ZIC4: variants seen among roughly 807,000 people sequenced by gnomAD.
ZIC4 encodes Zic family zinc finger 4, also known as zinc finger protein ZIC 4.
In ZIC4, 15 loss-of-function variants were observed where a neutral mutation model predicts 28.8. The ratio of observed to expected loss-of-function variants is 0.52; its 90% CI spans 0.35 to 0.80. The LOEUF (loss-of-function observed/expected upper bound fraction) is 0.80. Ranked by LOEUF, ZIC4 falls within the 30% of genes least tolerant of loss-of-function variation. The probability of loss-of-function intolerance (pLI) is 0.01; values close to 1 mark genes in which losing one functional copy is unlikely to be tolerated. For missense variants in ZIC4, 512 were observed against 467.1 expected (o/e 1.10, Z -0.89); for synonymous variants, 220 against 198.1 (o/e 1.11, Z -0.93).
intron 4 of ZIC4, among the ~76,000 whole-genome samples, chr3:147,390,314 A>G (rs1467516843): frequency 6.6e-6 from 1 of 151,740 alleles, no homozygotes; most frequent in African/African-American, 2.4e-5. Context: ...CAAAGAGGAA[A>G]GAAACTGGAG....
intron 3 of ZIC4, chr3:147,393,042 A>C (rs1464446614): frequency 6.6e-6 from 1 of 152,084 alleles, no homozygotes; most frequent in African/African-American, 2.4e-5. Flanking sequence ...AAATTACAAA[A>C]AACATACAAT....
At position 147,396,761 on chromosome 3, in the gene ZIC4, C is replaced by A; in HGVS notation, c.71-292G>T. On this transcript the variant is annotated intron_variant, in intron 2 of 4. Transcript: ENST00000383075. This position sits in a 1 kb window ranked among gnomAD's most constrained non-coding sequence, Gnocchi z 4.2. ...GGTAATGGAAGGCGCAGGGCTGAGT[C>A]TGTGGGTTGCTGGGGGTTCTGCTCC... 3.0e-6 allele frequency: 1 copy of A among 334,848 alleles called. No homozygotes were observed. The highest frequency in any genetic ancestry group is 4.7e-5 in the East Asian group (1 of 21,140). The allele number at this position is 334,848 out of a possible 1,614,324, so 20.7% of individuals were successfully genotyped here.
chr3:147,389,110 C>T, intron 4 of ZIC4: 1 of 567,452 alleles, frequency 1.8e-6, no homozygotes, highest in Non-Finnish European at 3.1e-6. Context: ...TGCCGACTGC[C>T]CGCGCTGGGT....
intron 3 of ZIC4, chr3:147,392,312 C>A (rs2086943121): frequency 6.1e-6 from 6 of 985,702 alleles, no homozygotes; most frequent in Non-Finnish European, 7.2e-6. Context: ...TGGCATAGGC[C>A]GGGGAGGGGC....
rs756882659 is a variant in ZIC4 at position 147,395,921 on chromosome 3, G to T, written c.619C>A (p.Pro207Thr). 6.2e-7 allele frequency: 1 copy of T among 1,614,126 alleles called. No homozygotes were observed. The highest frequency in any genetic ancestry group is 1.1e-5 in the South Asian group (1 of 91,090). ...VHTGEKPFPC[P>T]FPGCGKVFAR... ...AAGACCTTCCCACACCCCGGGAAAG[G>T]ACAAGGGAAGGGCTTCTCGCCCGTG... Residue 207 changes from proline (P) to threonine (T), a missense_variant, in exon 3 of 5, where the codon CCT becomes ACT. Pro to Thr is a conservative substitution (Grantham distance 38). Transcript: ENST00000383075.
chr3:147,402,660 A>G, intron 2 of ZIC4, 68 bp downstream of exon 2: 2 of 1,434,028 alleles, frequency 1.4e-6, no homozygotes, highest in Non-Finnish European at 9.5e-7. Context: ...TCCTACTTAA[A>G]AAAAAAAAAG....
intron 2 of ZIC4, among the ~76,000 whole-genome samples, chr3:147,397,971 T>A (rs947667177): frequency 6.6e-6 from 1 of 151,702 alleles, no homozygotes; most frequent in African/African-American, 2.4e-5. Context: ...GTTGGAGAGC[T>A]CAAAGACGCG....
In ZIC4 at chr3:147,396,104, T is replaced by C. The variant is rs764454109; in HGVS notation, c.436A>G (p.Lys146Glu). The change falls in exon 3 of 5, where the codon AAA becomes GAA. Residue 146 changes from lysine (K) to glutamate (E), a missense_variant. This residue lies in a region of ZIC4 where 310 missense variants were observed against 256.5 expected (regional missense o/e 1.21). Transcript: ENST00000383075. This position sits in a 1 kb window ranked among gnomAD's most constrained non-coding sequence, Gnocchi z 4.2. ...AGCTCGTGCATGGTGCTGAAAGTTT[T>C]GGAGCAGAGGCTCGGGGTCGCGGTG... Reference protein sequence around the residue: ...DGTATPSLCSKTFSTMHELVT... With the variant: ...DGTATPSLCSETFSTMHELVT... 1.2e-6 allele frequency: 2 copies of C among 1,614,230 alleles called. No homozygotes were observed. The highest frequency in any genetic ancestry group is 1.7e-6 in the Non-Finnish European group (2 of 1,180,054).
Position 147,387,004 on chromosome 3 carries a change from G to A in ZIC4, c.*1855C>T, listed in dbSNP as rs71302461. 3.3e-5 allele frequency: 5 copies of A among 152,302 alleles called. No individual in the cohort carries two copies. In the South Asian group the frequency reaches 8.3e-4, roughly 25 times the overall value. The allele number at this position is 152,302 out of a possible 1,614,324, so 9.4% of individuals were successfully genotyped here. On this transcript the variant is annotated 3_prime_UTR_variant, in exon 5 of 5. Coordinates refer to ENST00000383075, the MANE Select transcript of ZIC4 (RefSeq NM_032153.6). ...CTGGGCAAGAATATTAGGAGCCTGA[G>A]GGGTACCCAAAGGAAACCCATCTAT...
In ZIC4 at chr3:147,396,837, G is replaced by A. The variant is rs1219263452; in HGVS notation, c.71-368C>T. ...CGCACTTTGGCGGCTAACACCCCGG[G>A]GCTCTCCGGGGCACGATGCCCTGCG... On this transcript the variant is annotated intron_variant, in intron 2 of 4. Coordinates refer to ENST00000383075, the MANE Select transcript of ZIC4 (RefSeq NM_032153.6). This position sits in a 1 kb window ranked among gnomAD's most constrained non-coding sequence, Gnocchi z 4.2. 1.0e-5 allele frequency: 2 copies of A among 197,432 alleles called. No individual in the cohort carries two copies. The highest frequency in any genetic ancestry group is 1.0e-5 in the Non-Finnish European group (1 of 97,926). The allele number at this position is 197,432 out of a possible 1,614,324, so 12.2% of individuals were successfully genotyped here.
chr3:147,404,008 A>T, intron 1 of ZIC4: 1 of 1,537,144 alleles, frequency 6.5e-7, no homozygotes, highest in Non-Finnish European at 8.7e-7. Flanking sequence ...TCTAACCAAA[A>T]GGCATTCTTC....
rs893253662 is a variant in ZIC4 at position 147,391,292 on chromosome 3, C to T, written c.689-46G>A. On this transcript the variant is annotated intron_variant, in intron 3 of 4. Transcript: ENST00000383075. ...ACATTAGTGCTTGTGGGTCGTGTTC[C>T]CGTCAGGTGCTTGCCACCCTCCCCC... 6 of 1,510,212 alleles carry T rather than the reference C, an allele frequency of 4.0e-6. No homozygotes were observed. In the African/African-American group the frequency reaches 5.6e-5, roughly 14 times the overall value. 93.6% of individuals were successfully genotyped at this position (1,510,212 alleles called of 1,614,324 possible).
chr3:147,391,130 G>A lies in ZIC4; in HGVS notation c.805C>T (p.Arg269Trp). ...TGCGTGTAGCACTTGTCGCAGCCCCGCACCTTGCACGTGTATGGCTTGTCG... is the reference window on the plus strand; with the variant it reads ...TGCGTGTAGCACTTGTCGCAGCCCCACACCTTGCACGTGTATGGCTTGTCG... Reference protein sequence around the residue: ...TSDKPYTCKVRGCDKCYTHPS... With the variant: ...TSDKPYTCKVWGCDKCYTHPS... Residue 269 changes from arginine (R) to tryptophan (W), a missense_variant, in exon 4 of 5, where the codon CGG becomes TGG. This residue lies in a region of ZIC4 where 144 missense variants were observed against 116.8 expected (regional missense o/e 1.23). Coordinates refer to ENST00000383075, the MANE Select transcript of ZIC4 (RefSeq NM_032153.6). 7 of 1,614,028 alleles carry A rather than the reference G, an allele frequency of 4.3e-6. No homozygotes were observed. Among genetic ancestry groups the A allele is most frequent in the Non-Finnish European group, 5.1e-6 (6 of 1,179,914 alleles).
chr3:147,405,055 A>G (rs1204094393), intron 1 of ZIC4, among the ~76,000 whole-genome samples: 1 of 152,166 alleles, frequency 6.6e-6, no homozygotes, highest in African/African-American at 2.4e-5. Context: ...TGCACCCTGC[A>G]CCTTTCTGGC....
At position 147,405,331 on chromosome 3, in the gene ZIC4, C is replaced by T. The variant is rs773446981; in HGVS notation, c.-16+1032G>A. 1.1e-5 allele frequency: 17 copies of T among 1,500,374 alleles called. No individual in the cohort carries two copies. The East Asian group carries it at 1.7e-4, about 15-fold the overall frequency. 92.9% of individuals were successfully genotyped at this position (1,500,374 alleles called of 1,614,324 possible). A position where few individuals can be genotyped will look rare whatever the true frequency, so the allele number is the denominator to read the frequency against. On this transcript the variant is annotated intron_variant, in intron 1 of 4. Coordinates refer to ENST00000383075, the MANE Select transcript of ZIC4 (RefSeq NM_032153.6). Reference sequence around the variant, plus strand: ...AAGAGCAGCATGCAGTGGTGTGGGTCGCTGCGAGGACAATACTGTCGGAAA... The same window carrying T: ...AAGAGCAGCATGCAGTGGTGTGGGTTGCTGCGAGGACAATACTGTCGGAAA...
intron 2 of ZIC4, among the ~76,000 whole-genome samples, chr3:147,402,236 C>A (rs934394888): frequency 5.3e-5 from 8 of 152,340 alleles, no homozygotes; most frequent in Non-Finnish European, 8.8e-5. Context: ...ATTGTGGGAA[C>A]CTCGTCACTA....
chr3:147,397,498 C>T (rs2107976916), intron 2 of ZIC4, among the ~76,000 whole-genome samples: 1 of 152,292 alleles, frequency 6.6e-6, no homozygotes, highest in South Asian at 2.1e-4. Flanking sequence ...CCTTGAGCCT[C>T]CTCCCCCTCC....
intron 3 of ZIC4, among the ~76,000 whole-genome samples, chr3:147,395,617 G>T (rs1236645462): frequency 1.3e-5 from 2 of 152,144 alleles, no homozygotes; most frequent in Non-Finnish European, 1.5e-5. Context: ...TCTTAGGCAC[G>T]TTCACCCTTG....
At chr3:147,405,115 T>C (rs1246996317) in intron 1 of ZIC4, among the ~76,000 whole-genome samples, 2 of 152,232 alleles carry the variant, frequency 1.3e-5, no homozygotes, top group Non-Finnish European at 2.9e-5. Context: ...GGCTGGGTTG[T>C]GCAGGGGCCT....
Sources: allele counts gnomAD v4.1 joint callset (sites outside exome capture counted in the v4.1 genomes callset), GRCh38; gene constraint gnomAD v4.1.1; regional missense constraint gnomAD v4.1.1; non-coding constraint Gnocchi (gnomAD v3.1); transcripts MANE v1.5; gene names NCBI Gene and HGNC (gene_info 2026-07-23, HGNC 2026-07-21).